Variants in BMF observed in about 807,000 individuals in gnomAD.
BMF encodes bcl-2-modifying factor.
BMF carries 10 observed loss-of-function variants against 22.0 expected under a neutral mutation model. The ratio of observed to expected loss-of-function variants is 0.45; its 90% CI spans 0.28 to 0.77. The LOEUF (loss-of-function observed/expected upper bound fraction) is 0.77, where lower values mean the gene tolerates loss of function less well. BMF is among the 30% of genes least tolerant of loss of function. The pLI, the probability that BMF is intolerant of heterozygous loss-of-function variation, is 0.13. For synonymous variants in BMF, 87 were observed against 88.1 expected (o/e 0.99, Z 0.07); for missense variants, 206 against 226.8 (o/e 0.91, Z 0.59).
At chr15:40,105,130 G>C (rs2036559762) in intron 3 of BMF, among the ~76,000 whole-genome samples, 1 of 152,262 alleles carries the variant, frequency 6.6e-6, no homozygotes, top group Admixed American at 6.5e-5. Context: ...GTCAGACACA[G>C]TAAGCCACGC....
chr15:40,099,365 A>C (rs906166619), intron 4 of BMF, among the ~76,000 whole-genome samples: 16 of 152,238 alleles, frequency 1.1e-4, no homozygotes, highest in Non-Finnish European at 2.2e-4. Context: ...AGGTCCAAGC[A>C]AAATCCTAAA....
At chr15:40,096,177 T>C (rs866755222) in intron 4 of BMF, among the ~76,000 whole-genome samples, 66 of 147,374 alleles carry the variant, frequency 4.5e-4, no homozygotes, top group African/African-American at 1.5e-3. Context: ...TTTTTTTTTT[T>C]CTCTAAAGAG....
intron 4 of BMF, among the ~76,000 whole-genome samples, chr15:40,102,226 C>T (rs920672350): frequency 6.6e-6 from 1 of 151,942 alleles, no homozygotes; most frequent in Non-Finnish European, 1.5e-5. Context: ...GTCAGGAGTT[C>T]GAGACCAGCC....
At chr15:40,107,313 A>G (rs3809494) in intron 2 of BMF, among the ~76,000 whole-genome samples, 2 of 152,332 alleles carry the variant, frequency 1.3e-5, no homozygotes, top group East Asian at 3.9e-4. Context: ...CAAATGGTCT[A>G]TGGATTGGTG....
Position 40,105,782 on chromosome 15 carries a change from TGAGAGCACTCACCA to T in BMF, c.291_292+12del, listed in dbSNP as rs2036574927. 6.3e-7 allele frequency: 1 copy of T among 1,585,306 alleles called. No homozygotes were observed. Among genetic ancestry groups the T allele is most frequent in the Non-Finnish European group, 8.6e-7 (1 of 1,163,174 alleles). On this transcript the variant is annotated splice_donor_variant and splice_donor_5th_base_variant and coding_sequence_variant and intron_variant, in exon 3 of 5. Transcript: ENST00000354670. LOFTEE classifies it high-confidence loss of function. ...GTCTCTATGGGAGGAGTCTTGAGGC[TGAGAGCACTCACCA>T]TAAAAGAGTCGCTGGGGTTCCTCAG...
chr15:40,101,539 G>T (rs933188171), intron 4 of BMF, among the ~76,000 whole-genome samples: 3 of 152,170 alleles, frequency 2.0e-5, no homozygotes, highest in Non-Finnish European at 4.4e-5. Context: ...AAAAATGAGG[G>T]AAGGGAATAG....
chr15:40,091,881 T>G lies in BMF; in HGVS notation c.461A>C (p.Gln154Pro), dbSNP rs772116970. The change falls in exon 5 of 5, where the codon CAG becomes CCG. Residue 154 changes from glutamine to proline, a missense_variant. Transcript: ENST00000354670. ...FHRLHVQQHQQNQNRVWWQIL... is the reference protein window; with the variant it reads ...FHRLHVQQHQPNQNRVWWQIL... ...CTGCCACCACACACGATTTTGGTTC[T>G]GCTGGTGCTGAAGGGAGAAAAAAAA... 1.2e-6 allele frequency: 2 copies of G among 1,606,082 alleles called. No individual in the cohort carries two copies.
intron 4 of BMF, 34 bp from the exon 5 acceptor site, chr15:40,091,922 C>G (rs1171704361): frequency 6.8e-7 from 1 of 1,465,198 alleles, no homozygotes. Context: ...ACCAACATAA[C>G]TCCCAAACGC....
At position 40,088,796 on chromosome 15, in the gene BMF, G is replaced by A. The variant is rs193162193; in HGVS notation, c.*2991C>T. 79 of 152,464 alleles carry A rather than the reference G, an allele frequency of 5.2e-4. No homozygotes were observed. Among genetic ancestry groups the A allele is most frequent in the African/African-American group, 1.8e-3 (75 of 41,560 alleles). The allele number at this position is 152,464 out of a possible 1,614,324, so 9.4% of individuals were successfully genotyped here. Reference sequence around the variant, plus strand: ...CTGGGAGGTGATCTTTTTCCACCTCGGATTGAGCAAGAGAAGGCTGCCAGT... The same window carrying A: ...CTGGGAGGTGATCTTTTTCCACCTCAGATTGAGCAAGAGAAGGCTGCCAGT... On this transcript the variant is annotated 3_prime_UTR_variant, in exon 5 of 5. Transcript: ENST00000354670.
intron 4 of BMF, among the ~76,000 whole-genome samples, chr15:40,100,724 G>A (rs1006496659): frequency 2.6e-5 from 4 of 152,196 alleles, no homozygotes; most frequent in East Asian, 1.9e-4. Flanking sequence ...GATGGCCCAC[G>A]TAAAACGACA....
chr15:40,105,074 G>A lies in BMF; in HGVS notation c.292+721C>T, dbSNP rs532895917. ...ACTGCTTTGCCAGAACTGCCCTAAG[G>A]GGCAGTTCCCTCTGGGAGTAACTGC... is the stretch of plus-strand genomic sequence containing the variant. On this transcript the variant is annotated intron_variant, in intron 3 of 4. Transcript: ENST00000354670. Among the ~76,000 whole-genome samples the A allele has an allele frequency of 2.6e-5, 4 of 152,224 alleles. No homozygotes were observed. In the South Asian group the frequency reaches 8.3e-4, roughly 32 times the overall value.
At chr15:40,092,626 TG>T (rs1180386794) in intron 4 of BMF, among the ~76,000 whole-genome samples, 1 of 152,122 alleles carries the variant, frequency 6.6e-6, no homozygotes, top group Non-Finnish European at 1.5e-5. Flanking sequence ...AGAACATACT[TG>T]AAAACAAAAC....
intron 4 of BMF, among the ~76,000 whole-genome samples, chr15:40,098,890 C>T (rs1447457463): frequency 6.6e-6 from 1 of 152,172 alleles, no homozygotes; most frequent in Non-Finnish European, 1.5e-5. Flanking sequence ...GGGAACTCAG[C>T]CTCTAGTCTG....
At chr15:40,092,375 T>TTAATC (rs1202453896) in intron 4 of BMF, among the ~76,000 whole-genome samples, 1 of 152,062 alleles carries the variant, frequency 6.6e-6, no homozygotes, top group East Asian at 1.9e-4. Flanking sequence ...GGTCAAAGGG[T>TTAATC]TAATCTTCAA....
At chr15:40,107,408 C>A (rs558294055) in intron 2 of BMF, among the ~76,000 whole-genome samples, 1 of 152,160 alleles carries the variant, frequency 6.6e-6, no homozygotes, top group African/African-American at 2.4e-5. Flanking sequence ...GCCCTGCCTT[C>A]GTCCCATCCC....
intron 4 of BMF, among the ~76,000 whole-genome samples, chr15:40,100,099 C>T (rs74684763): frequency 0.01 from 1,577 of 152,314 alleles, 13 homozygotes; most frequent in Non-Finnish European, 0.017. Flanking sequence ...CGACTGTTTA[C>T]AGTAACTACT....
chr15:40,093,348 G>A (rs1303413259), intron 4 of BMF, among the ~76,000 whole-genome samples: 2 of 152,236 alleles, frequency 1.3e-5, no homozygotes, highest in African/African-American at 2.4e-5. Context: ...CGGCAAGCTG[G>A]AGGCGCAGCT....
At chr15:40,099,553 C>T (rs186957166) in intron 4 of BMF, among the ~76,000 whole-genome samples, 13 of 152,144 alleles carry the variant, frequency 8.5e-5, no homozygotes, top group Admixed American at 2.0e-4. Context: ...CCGAGATGGG[C>T]GGATCGCCTG....
rs1220580648 is a variant in BMF, at chr15:40,106,117, G to A, written c.-5-26C>T. ...CTGTGAGGGGGCAACGCAGGCATCTGGGCTGCTGCCCCACCAGGGCCATAC... is the reference window on the plus strand; with the variant it reads ...CTGTGAGGGGGCAACGCAGGCATCTAGGCTGCTGCCCCACCAGGGCCATAC... On this transcript the variant is annotated intron_variant, in intron 2 of 4. Coordinates refer to ENST00000354670, the MANE Select transcript of BMF (RefSeq NM_001003940.2). This position sits in a 1 kb window ranked among gnomAD's most constrained non-coding sequence, Gnocchi z 4.1. The A allele has an allele frequency of 4.5e-6, 7 of 1,555,780 alleles. No homozygotes were observed. The highest frequency in any genetic ancestry group is 6.1e-6 in the Non-Finnish European group (7 of 1,151,518).
Sources: allele counts gnomAD v4.1 joint callset (sites outside exome capture counted in the v4.1 genomes callset), GRCh38; gene constraint gnomAD v4.1.1; non-coding constraint Gnocchi (gnomAD v3.1); transcripts MANE v1.5; gene names NCBI Gene and HGNC (gene_info 2026-07-23, HGNC 2026-07-21).